Variants in ULK4 observed in about 807,000 individuals in gnomAD.
ULK4 encodes inactive serine/threonine-protein kinase ULK4.
Under a neutral mutation model 160.6 loss-of-function variants are expected in ULK4, and 133 were observed. The ratio of observed to expected loss-of-function variants is 0.83; its 90% CI spans 0.72 to 0.96. ULK4 has a LOEUF of 0.96. ULK4 is among the 40% of genes least tolerant of loss of function. ULK4 has a pLI of 0.00. For missense variants in ULK4, 1,580 were observed against 1,499.5 expected (o/e 1.05, Z -0.89); for synonymous variants, 534 against 539.8 (o/e 0.99, Z 0.15).
At chr3:41,679,234 C>G (rs1431220485) in intron 29 of ULK4, among the ~76,000 whole-genome samples, 1 of 152,094 alleles carries the variant, frequency 6.6e-6, no homozygotes, top group Non-Finnish European at 1.5e-5. Context: ...ATAACAGTCA[C>G]GGTGCTAAAC....
At chr3:41,507,713 A>G (rs1376271302) in intron 32 of ULK4, among the ~76,000 whole-genome samples, 1 of 152,098 alleles carries the variant, frequency 6.6e-6, no homozygotes, top group African/African-American at 2.4e-5. Flanking sequence ...GAAGCAGTAA[A>G]TATTAAAACA....
intron 14 of ULK4, 109 bp from the exon 15 acceptor site, chr3:41,897,112 A>G (rs1380799194): frequency 9.8e-7 from 1 of 1,017,672 alleles, no homozygotes; most frequent in East Asian, 2.6e-5. Flanking sequence ...GAGGACAAAC[A>G]TTACACTGTC....
At chr3:41,907,824 A>C in intron 12 of ULK4, 21 bp downstream of exon 12, 1 of 1,509,928 alleles carries the variant, frequency 6.6e-7, no homozygotes, top group South Asian at 1.3e-5. Flanking sequence ...TGTAGGAAGA[A>C]AATTTCCCAA....
At chr3:41,427,741 C>T (rs2082809630) in intron 34 of ULK4, among the ~76,000 whole-genome samples, 1 of 152,156 alleles carries the variant, frequency 6.6e-6, no homozygotes. Context: ...TAAAAACTCT[C>T]AATAAATTAG....
At chr3:41,758,412 A>G (rs1185157253) in intron 21 of ULK4, among the ~76,000 whole-genome samples, 2 of 152,146 alleles carry the variant, frequency 1.3e-5, no homozygotes, top group South Asian at 2.1e-4. Flanking sequence ...ATAGACATCA[A>G]AAAGGTCCAA....
chr3:41,308,643 G>A (rs555903876), intron 35 of ULK4, among the ~76,000 whole-genome samples: 1 of 152,246 alleles, frequency 6.6e-6, no homozygotes, highest in South Asian at 2.1e-4. Context: ...GATCAAGTAA[G>A]TCAGAAAATA....
chr3:41,627,803 C>T (rs2033588196), intron 30 of ULK4, among the ~76,000 whole-genome samples: 1 of 152,168 alleles, frequency 6.6e-6, no homozygotes, highest in South Asian at 2.1e-4. Flanking sequence ...GAAAACCTAG[C>T]TAGCCCAAAC....
intron 30 of ULK4, among the ~76,000 whole-genome samples, chr3:41,644,868 A>T (rs2125725788): frequency 6.6e-6 from 1 of 152,344 alleles, no homozygotes; most frequent in South Asian, 2.1e-4. Flanking sequence ...CCACAATTTC[A>T]GATACTGTTA....
At chr3:41,312,664 C>T (rs998440984) in intron 35 of ULK4, among the ~76,000 whole-genome samples, 1 of 151,222 alleles carries the variant, frequency 6.6e-6, no homozygotes. Context: ...AACAAACAAA[C>T]AAAAAAACAT....
At chr3:41,306,258 G>A (rs1250155683) in intron 35 of ULK4, among the ~76,000 whole-genome samples, 5 of 119,114 alleles carry the variant, frequency 4.2e-5, no homozygotes, top group Non-Finnish European at 6.6e-5. Flanking sequence ...CGCCCCGTCC[G>A]GGAGGTGAGG....
intron 19 of ULK4, among the ~76,000 whole-genome samples, chr3:41,810,189 T>A (rs1309108370): frequency 6.6e-6 from 1 of 152,228 alleles, no homozygotes; most frequent in African/African-American, 2.4e-5. Context: ...TCCCTAGTTC[T>A]GTACTCCAGC....
rs371585227 is a variant in ULK4, at chr3:41,954,632, A to G, written c.128T>C (p.Ile43Thr). Residue 43 changes from isoleucine to threonine, a missense_variant, in exon 2 of 37, where the codon ATA becomes ACA. Transcript: ENST00000301831. ...LCTDKCKRPEITNWVRLTREI... is the reference protein window; with the variant it reads ...LCTDKCKRPETTNWVRLTREI... ...AATACACTGACTTACCCAGTTGGTT[A>G]TTTCAGGCCTTTTGCACTTATCAGT... The G allele has an allele frequency of 2.2e-5, 36 of 1,612,734 alleles. No individual in the cohort carries two copies. Among genetic ancestry groups the G allele is most frequent in the Non-Finnish European group, 2.7e-5 (32 of 1,179,528 alleles).
intron 32 of ULK4, among the ~76,000 whole-genome samples, chr3:41,559,694 A>C (rs1265703141): frequency 6.6e-6 from 1 of 152,092 alleles, no homozygotes; most frequent in African/African-American, 2.4e-5. Flanking sequence ...GTGTCTGTTC[A>C]TATCCTTTGA....
chr3:41,599,698 G>C (rs2031939007), intron 31 of ULK4, among the ~76,000 whole-genome samples: 1 of 151,398 alleles, frequency 6.6e-6, no homozygotes, highest in Admixed American at 6.6e-5. Context: ...CTGAATAGCT[G>C]GGGTTACAGG....
At chr3:41,760,247 T>C (rs1369799772) in intron 21 of ULK4, among the ~76,000 whole-genome samples, 1 of 152,140 alleles carries the variant, frequency 6.6e-6, no homozygotes, top group Admixed American at 6.5e-5. Flanking sequence ...ATGAGCTTAT[T>C]AGAATGACTA....
intron 3 of ULK4, chr3:41,937,234 G>C: frequency 1.6e-6 from 1 of 608,332 alleles, no homozygotes; most frequent in South Asian, 2.0e-5. Flanking sequence ...ATTACATCTG[G>C]TCAGAGATCA....
At chr3:41,647,827 C>T (rs544048244) in intron 30 of ULK4, among the ~76,000 whole-genome samples, 1 of 151,336 alleles carries the variant, frequency 6.6e-6, no homozygotes, top group East Asian at 1.9e-4. Flanking sequence ...GGCAGGCCTC[C>T]TTGAGCTGTG....
intron 32 of ULK4, among the ~76,000 whole-genome samples, chr3:41,548,073 G>C (rs948605386): frequency 1.1e-4 from 17 of 152,110 alleles, no homozygotes. Context: ...ACCAACCCAG[G>C]ACTTGAGGAT....
At chr3:41,291,369 A>C (rs2079558394) in intron 35 of ULK4, among the ~76,000 whole-genome samples, 1 of 74,004 alleles carries the variant, frequency 1.4e-5, no homozygotes, top group African/African-American at 5.2e-5. Context: ...AGAAAAAGTA[A>C]AGAAGAAAGG....
Sources: gnomAD v4.1 joint callset for allele counts (sites outside exome capture counted in the v4.1 genomes callset) on GRCh38, gnomAD v4.1.1 for gene constraint, MANE v1.5 for transcripts, NCBI Gene and HGNC (gene_info 2026-07-23, HGNC 2026-07-21) for gene names.